Variants in TMC6 observed in about 807,000 individuals in gnomAD.
The protein encoded by TMC6 is transmembrane channel like 6.
In TMC6, 71 loss-of-function variants were observed where a neutral mutation model predicts 95.4. The observed-to-expected ratio is 0.74, with a 90% CI of 0.61 to 0.91. The LOEUF is 0.91. Ranked by LOEUF, TMC6 falls within the 40% of genes least tolerant of loss-of-function variation. TMC6 has a pLI of 0.00. For synonymous variants in TMC6, 514 were observed against 483.1 expected, an observed-to-expected ratio of 1.06 and a Z score of -0.84; for missense variants, 1,074 against 1,079.1, an observed-to-expected ratio of 1.00 and a Z score of 0.07.
upstream of TMC6, chr17:78,131,799 A>G (rs1306356729): frequency 6.6e-7 from 1 of 1,509,134 alleles, no homozygotes; most frequent in Non-Finnish European, 8.9e-7. Context: ...GCCCCGTCGG[A>G]TGGTGTGGGA....
Position 78,120,551 on chromosome 17 carries a change from G to A in TMC6, c.1715+102C>T, listed in dbSNP as rs1024071575. The A allele has an allele frequency of 3.9e-6, 6 of 1,526,862 alleles. No individual in the cohort carries two copies. The African/African-American group carries it at 5.5e-5, about 14-fold the overall frequency. The allele number at this position is 1,526,862 out of a possible 1,614,324, so 94.6% of individuals were successfully genotyped here. On this transcript the variant is annotated intron_variant, in intron 13 of 19. Coordinates refer to ENST00000590602, the MANE Select transcript of TMC6 (RefSeq NM_001127198.5). ...TCTTCCTCTGAAGGGTGGAGACACA[G>A]GGCCCTGATGGGAAAGGTCCAGGCC... is the stretch of plus-strand genomic sequence containing the variant.
At position 78,124,476 on chromosome 17, in the gene TMC6, TAGC is replaced by T. The variant is rs763237485; in HGVS notation, c.891+45_891+47del. Reference sequence around the variant, plus strand: ...ACAAGAAGGGAACACGGTACCAGGGTAGCAGAAGACAGGCACCCCCCGTCCCCC... The same window carrying T: ...ACAAGAAGGGAACACGGTACCAGGGTAGAAGACAGGCACCCCCCGTCCCCC... On this transcript the variant is annotated intron_variant, in intron 8 of 19. Coordinates refer to ENST00000590602, the MANE Select transcript of TMC6 (RefSeq NM_001127198.5). 2.9e-5 allele frequency: 46 copies of T among 1,598,724 alleles called. No homozygotes were observed. The South Asian group carries it at 5.0e-4, about 17-fold the overall frequency.
Position 78,126,326 on chromosome 17 carries a change from C to T in TMC6, c.222G>A (p.Gln74=). ...CCAGGATGCGGAGTGTGGCCGTGCT[C>T]TGGGTGCCCTCGGGCCGCCAGAGTG... ...QQTLWRPEGT[Q]STATLRILAS... is the part of the protein sequence containing the mutation. The change falls in exon 4 of 20, where the codon CAG becomes CAA. Residue 74 remains glutamine, a synonymous_variant. Coordinates refer to ENST00000590602, the MANE Select transcript of TMC6 (RefSeq NM_001127198.5). The T allele has an allele frequency of 6.3e-7, 1 of 1,576,940 alleles. No homozygotes were observed. The highest frequency in any genetic ancestry group is 8.6e-7 in the Non-Finnish European group (1 of 1,166,010).
chr17:78,115,534 A>G (rs1598824516), intron 18 of TMC6, among the ~76,000 whole-genome samples: 1 of 152,174 alleles, frequency 6.6e-6, no homozygotes, highest in Admixed American at 6.5e-5. Flanking sequence ...GGAGGAGGCC[A>G]GGCTGGGTAG....
chr17:78,128,116 G>T lies in TMC6; in HGVS notation c.-75+496C>A, dbSNP rs1371556398. Among the ~76,000 whole-genome samples the T allele has an allele frequency of 1.3e-5, 2 of 152,214 alleles. No individual in the cohort carries two copies. Among genetic ancestry groups the T allele is most frequent in the African/African-American group, 4.8e-5 (2 of 41,458 alleles). The stretch of plus-strand genomic sequence containing the variant: ...CCGAGGCCCAGGCAAGTCCAGCGGA[G>T]TTTCCAGGCGCACCATTCCTGAGCT... On this transcript the variant is annotated intron_variant, in intron 1 of 19. Transcript: ENST00000590602. This position sits in a 1 kb window ranked among gnomAD's most constrained non-coding sequence, Gnocchi z 4.0.
intron 13 of TMC6, 82 bp from the exon 14 acceptor site, chr17:78,119,474 C>A: frequency 1.4e-6 from 2 of 1,381,620 alleles, no homozygotes; most frequent in East Asian, 2.3e-5. Context: ...CAGAGGCACC[C>A]CGCCCCCAGC....
rs747665474 is a variant in TMC6, at chr17:78,124,474, G to C, written c.891+50C>G. On this transcript the variant is annotated intron_variant, in intron 8 of 19. Transcript: ENST00000590602. ...GGACAAGAAGGGAACACGGTACCAG[G>C]GTAGCAGAAGACAGGCACCCCCCGT... 40 of 1,598,846 alleles carry C rather than the reference G, an allele frequency of 2.5e-5. No homozygotes were observed. The East Asian group carries it at 6.7e-4, about 27-fold the overall frequency.
upstream of TMC6, chr17:78,131,571 C>T (rs1568011189): frequency 6.5e-7 from 1 of 1,541,878 alleles, no homozygotes; most frequent in Non-Finnish European, 8.7e-7. Flanking sequence ...GCCCCAGCCT[C>T]TACCCGTGCC....
intron 18 of TMC6, among the ~76,000 whole-genome samples, chr17:78,117,031 C>G (rs914556349): frequency 4.6e-5 from 7 of 152,260 alleles, no homozygotes; most frequent in East Asian, 1.9e-4. Context: ...CCCCACCCCC[C>G]AGAGCCCTGG....
Position 78,112,747 on chromosome 17 carries a change from C to T in TMC6, c.*401G>A, listed in dbSNP as rs1202527290. Reference sequence around the variant, plus strand: ...GTTCAGGCTGGTCAAAGGCAGCAAGCGAATCAAGCCCTGGCGCGGTCCAGC... The same window carrying T: ...GTTCAGGCTGGTCAAAGGCAGCAAGTGAATCAAGCCCTGGCGCGGTCCAGC... On this transcript the variant is annotated 3_prime_UTR_variant, in exon 20 of 20. Transcript: ENST00000590602. The T allele has an allele frequency of 1.4e-5, 4 of 284,746 alleles. No homozygotes were observed. Among genetic ancestry groups the T allele is most frequent in the South Asian group, 8.9e-5 (2 of 22,420 alleles). 17.6% of individuals were successfully genotyped at this position (284,746 alleles called of 1,614,324 possible).
chr17:78,117,170 C>A lies in TMC6; in HGVS notation c.2277+99G>T, dbSNP rs2074162352. 3 of 1,327,350 alleles carry A rather than the reference C, an allele frequency of 2.3e-6. No individual in the cohort carries two copies. The African/African-American group carries it at 4.3e-5, about 19-fold the overall frequency. 82.2% of individuals were successfully genotyped at this position (1,327,350 alleles called of 1,614,324 possible). A position where few individuals can be genotyped will look rare whatever the true frequency, so the allele number is the denominator to read the frequency against. ...TTTGGCAAACAAACCCTTTCACCAG[C>A]CAAGGCCCACAGGAGATGTACAGGG... On this transcript the variant is annotated intron_variant, in intron 18 of 19. Transcript: ENST00000590602.
chr17:78,118,136 C>T (rs2074226874), intron 15 of TMC6: 2 of 846,424 alleles, frequency 2.4e-6, no homozygotes, highest in East Asian at 2.7e-5. Context: ...GCCAACAGCA[C>T]CTCCATCTGC....
rs1267458620 is a variant in TMC6 at position 78,119,300 on chromosome 17, G to A, written c.1808C>T (p.Thr603Ile). The A allele has an allele frequency of 3.1e-6, 5 of 1,614,010 alleles. No individual in the cohort carries two copies. Among genetic ancestry groups the A allele is most frequent in the Non-Finnish European group, 4.2e-6 (5 of 1,180,010 alleles). Residue 603 changes from threonine to isoleucine, a missense_variant, in exon 14 of 20, where the codon ACC (threonine) becomes ATC (isoleucine). Thr to Ile is a moderately conservative substitution (Grantham distance 89). Transcript: ENST00000590602. ...VLELIYGQTL[T>I]WLGVLFSPLL... is the part of the protein sequence containing the mutation. The stretch of plus-strand genomic sequence containing the variant: ...GAGGCAAGCAGAGGACCCTCACCAG[G>A]TCAGAGTCTGCCCATAAATCAGCTC...
intron 18 of TMC6, among the ~76,000 whole-genome samples, chr17:78,115,652 G>A (rs1304772316): frequency 3.4e-5 from 5 of 148,058 alleles, no homozygotes; most frequent in Non-Finnish European, 6.0e-5. Context: ...GAAGGGAGTG[G>A]GCACAGGGGC....
chr17:78,119,464 C>T (rs1437376357), intron 13 of TMC6, 72 bp from the exon 14 acceptor site: 1 of 1,468,496 alleles, frequency 6.8e-7, no homozygotes, highest in African/African-American at 1.4e-5. Flanking sequence ...TCCCCACACC[C>T]AGAGGCACCC....
chr17:78,117,209 C>T (rs551730262), intron 18 of TMC6, 60 bp downstream of exon 18: 12 of 1,563,976 alleles, frequency 7.7e-6, no homozygotes, highest in East Asian at 6.7e-5. Context: ...TGGAGGGGAG[C>T]GTCACCCTCA....
upstream of TMC6, chr17:78,131,845 G>A: frequency 6.8e-7 from 1 of 1,477,560 alleles, no homozygotes; most frequent in Non-Finnish European, 9.0e-7. Context: ...GGCAGGGCGG[G>A]TGACTCAGGG....
In TMC6 at chr17:78,125,759, GGTC is replaced by G; in HGVS notation, c.394_396del (p.Asp132del). 1 of 1,568,818 alleles carries G rather than the reference GGTC, an allele frequency of 6.4e-7. No individual in the cohort carries two copies. Among genetic ancestry groups the G allele is most frequent in the South Asian group, 1.2e-5 (1 of 85,372 alleles). ...TCCAGGGCCGTGGGGTCCAGCTCCA[GGTC>G]GTACAGGCGGAGGCTGGGCCAGGCG... On this transcript the variant is annotated inframe_deletion, in exon 5 of 20. Transcript: ENST00000590602.
chr17:78,113,666 C>A, intron 18 of TMC6, 42 bp from the exon 19 acceptor site: 1 of 1,602,216 alleles, frequency 6.2e-7, no homozygotes, highest in Non-Finnish European at 8.5e-7. Context: ...AATCATCCAT[C>A]AGCCCATCCA....
Sources: allele counts gnomAD v4.1 joint callset (sites outside exome capture counted in the v4.1 genomes callset), GRCh38; gene constraint gnomAD v4.1.1; non-coding constraint Gnocchi (gnomAD v3.1); transcripts MANE v1.5; gene names NCBI Gene and HGNC (gene_info 2026-07-23, HGNC 2026-07-21).